Variants in ARHGAP28 observed in about 807,000 individuals in gnomAD.
ARHGAP28 encodes the protein rho GTPase-activating protein 28.
A neutral mutation model predicts 90.7 loss-of-function variants in ARHGAP28; 56 were observed. The ratio of observed to expected loss-of-function variants is 0.62; its 90% CI spans 0.50 to 0.77. The LOEUF is 0.77. ARHGAP28 is among the 30% of genes least tolerant of loss of function. ARHGAP28 has a pLI of 0.00. For synonymous variants in ARHGAP28, 308 were observed against 323.3 expected, an observed-to-expected ratio of 0.95 and a Z score of 0.51; for missense variants, 869 against 900.9, an observed-to-expected ratio of 0.96 and a Z score of 0.45.
intron 10 of ARHGAP28, among the ~76,000 whole-genome samples, chr18:6,876,727 C>T (rs994205982): frequency 1.3e-5 from 2 of 152,126 alleles, no homozygotes; most frequent in African/African-American, 4.8e-5. Context: ...TGGCTATAAC[C>T]ACTAGAATAC....
chr18:6,796,876 A>T (rs2056445568), intron 1 of ARHGAP28, among the ~76,000 whole-genome samples: 1 of 152,216 alleles, frequency 6.6e-6, no homozygotes, highest in African/African-American at 2.4e-5. Flanking sequence ...TAATTGAAAA[A>T]TTTTAAATGA....
chr18:6,889,291 C>T (rs1398164303), intron 12 of ARHGAP28, among the ~76,000 whole-genome samples: 1 of 151,920 alleles, frequency 6.6e-6, no homozygotes, highest in Non-Finnish European at 1.5e-5. Context: ...CTTAGAAGAC[C>T]TGCACACAAA....
intron 15 of ARHGAP28, among the ~76,000 whole-genome samples, chr18:6,895,653 C>G (rs1438415125): frequency 6.6e-6 from 1 of 152,204 alleles, no homozygotes; most frequent in Non-Finnish European, 1.5e-5. Flanking sequence ...CTCTTCTCCT[C>G]TTACAAGGAT....
At chr18:6,731,154 GGA>G (rs1233869186) in intron 1 of ARHGAP28, among the ~76,000 whole-genome samples, 1 of 152,148 alleles carries the variant, frequency 6.6e-6, no homozygotes, top group African/African-American at 2.4e-5. Context: ...TCCAGCTTTA[GGA>G]GTTGTGCATA....
intron 2 of ARHGAP28, 42 bp downstream of exon 2, chr18:6,825,006 C>A (rs748077007): frequency 3.4e-6 from 5 of 1,472,906 alleles, no homozygotes; most frequent in South Asian, 1.3e-5. Context: ...GACTGGCTTT[C>A]TTTCTCTGCC....
intron 2 of ARHGAP28, among the ~76,000 whole-genome samples, chr18:6,834,699 C>T (rs2056740066): frequency 6.6e-6 from 1 of 152,066 alleles, no homozygotes; most frequent in Non-Finnish European, 1.5e-5. Context: ...TAGCTCTGAC[C>T]AGGGTCACGG....
At chr18:6,804,738 T>G (rs1241173310) in intron 1 of ARHGAP28, among the ~76,000 whole-genome samples, 12 of 152,240 alleles carry the variant, frequency 7.9e-5, no homozygotes, top group Admixed American at 7.8e-4. Flanking sequence ...ATTATAGATT[T>G]GTAATTTAAT....
At position 6,913,822 on chromosome 18, in the gene ARHGAP28, G is replaced by A. The variant is rs2143902309; in HGVS notation, c.*1668G>A. ...TTCCTACATTTTATTCATTTTTAAT[G>A]TATGGGTAATTGGTGGCACATGACT... On this transcript the variant is annotated 3_prime_UTR_variant, in exon 18 of 18. Transcript: ENST00000383472. 6.6e-6 allele frequency: 1 copy of A among 151,766 alleles called. No individual in the cohort carries two copies. Among genetic ancestry groups the A allele is most frequent in the African/African-American group, 2.4e-5 (1 of 41,398 alleles). The allele number at this position is 151,766 out of a possible 1,614,324, so 9.4% of individuals were successfully genotyped here.
intron 7 of ARHGAP28, among the ~76,000 whole-genome samples, chr18:6,871,158 A>T (rs2143525732): frequency 6.6e-6 from 1 of 152,276 alleles, no homozygotes; most frequent in East Asian, 1.9e-4. Flanking sequence ...GCCAGGCATC[A>T]CACTGCTCAC....
intron 1 of ARHGAP28, among the ~76,000 whole-genome samples, chr18:6,808,109 C>A (rs1243180246): frequency 1.3e-5 from 2 of 152,204 alleles, no homozygotes; most frequent in Non-Finnish European, 2.9e-5. Context: ...CGGCTGGAAG[C>A]TGACACATTT....
At chr18:6,787,804 C>G (rs1000614986) in intron 1 of ARHGAP28, among the ~76,000 whole-genome samples, 1 of 152,204 alleles carries the variant, frequency 6.6e-6, no homozygotes. Context: ...TTTAAATATA[C>G]AGGCACAAGA....
intron 1 of ARHGAP28, among the ~76,000 whole-genome samples, chr18:6,736,591 T>A (rs9951324): frequency 0.037 from 5,361 of 146,194 alleles, 327 homozygotes; most frequent in African/African-American, 0.13. Flanking sequence ...AAAAAAAAAA[T>A]ACAAAATTAG....
chr18:6,852,827 G>A (rs369102388), intron 4 of ARHGAP28, among the ~76,000 whole-genome samples: 25 of 152,264 alleles, frequency 1.6e-4, no homozygotes, highest in Admixed American at 4.6e-4. Context: ...CAGCAAGAAA[G>A]GTTTATTTCA....
At chr18:6,778,273 A>G (rs1259848714) in intron 1 of ARHGAP28, among the ~76,000 whole-genome samples, 1 of 152,170 alleles carries the variant, frequency 6.6e-6, no homozygotes, top group Non-Finnish European at 1.5e-5. Context: ...AATGACTGAC[A>G]ACTTCTTAAT....
intron 1 of ARHGAP28, among the ~76,000 whole-genome samples, chr18:6,758,131 A>G (rs1267452213): frequency 1.3e-5 from 2 of 152,206 alleles, no homozygotes; most frequent in East Asian, 3.8e-4. Flanking sequence ...GACCTGTGTC[A>G]CTGCATGGAG....
At chr18:6,897,387 A>G (rs377396556) in intron 16 of ARHGAP28, 3 of 152,234 alleles carry the variant, frequency 2.0e-5, no homozygotes, top group Non-Finnish European at 4.4e-5. Context: ...AAACATACTA[A>G]TAATAATTCT....
chr18:6,887,865 A>G (rs2143699398), intron 12 of ARHGAP28, among the ~76,000 whole-genome samples: 1 of 152,366 alleles, frequency 6.6e-6, no homozygotes, highest in South Asian at 2.1e-4. Flanking sequence ...TCATAAGTCA[A>G]TAAGACCATT....
chr18:6,782,584 A>ATTT lies in ARHGAP28; in HGVS notation c.123-42175_123-42173dup, dbSNP rs1567945676. ...AGGCACCTGCCATCACGCCCAGCTA[A>ATTT]TTTTTGTATTTTTTTTTTTTTTTTT... On this transcript the variant is annotated intron_variant, in intron 1 of 17. Coordinates refer to ENST00000383472, the MANE Select transcript of ARHGAP28 (RefSeq NM_001366230.1). Among the ~76,000 whole-genome samples, 43 of 71,290 alleles carry ATTT rather than the reference A, an allele frequency of 6.0e-4. 1 individual carries two copies. The highest frequency in any genetic ancestry group is 1.7e-3 in the African/African-American group (38 of 22,696). 46.8% of individuals were successfully genotyped at this position (71,290 alleles called of 152,430 possible). A position where few individuals can be genotyped will look rare whatever the true frequency, so the allele number is the denominator to read the frequency against.
At chr18:6,904,962 G>C (rs1219150436) in intron 16 of ARHGAP28, among the ~76,000 whole-genome samples, 1 of 151,984 alleles carries the variant, frequency 6.6e-6, no homozygotes, top group Non-Finnish European at 1.5e-5. Context: ...AGCCCAGATG[G>C]TTTCACTGGA....
Sources: gnomAD v4.1 joint callset for allele counts (sites outside exome capture counted in the v4.1 genomes callset) on GRCh38, gnomAD v4.1.1 for gene constraint, MANE v1.5 for transcripts, NCBI Gene and HGNC (gene_info 2026-07-23, HGNC 2026-07-21) for gene names.